Variants in ESRRG observed in about 807,000 individuals in gnomAD.
The protein encoded by ESRRG is estrogen related receptor gamma, also known as estrogen-related receptor gamma.
Under a neutral mutation model 44.0 loss-of-function variants are expected in ESRRG, and 13 were observed. The observed-to-expected ratio is 0.30, with a 90% CI of 0.19 to 0.47. ESRRG has a LOEUF of 0.47. Ranked by LOEUF, ESRRG falls within the 20% of genes least tolerant of loss-of-function variation. The probability of loss-of-function intolerance (pLI) is 1.00; values close to 1 mark genes in which losing one functional copy is unlikely to be tolerated. For missense variants in ESRRG, 395 were observed against 580.6 expected (o/e 0.68, Z 3.29); for synonymous variants, 215 against 214.6 (o/e 1.00, Z -0.02).
At chr1:217,061,816 T>C (rs2088564685) in intron 1 of ESRRG, among the ~76,000 whole-genome samples, 2 of 152,136 alleles carry the variant, frequency 1.3e-5, no homozygotes, top group Admixed American at 1.3e-4. Flanking sequence ...AAATCCTTAA[T>C]GAACTAAGAA....
chr1:216,721,304 C>T (rs564233483), intron 1 of ESRRG, among the ~76,000 whole-genome samples: 30 of 152,302 alleles, frequency 2.0e-4, no homozygotes, highest in Non-Finnish European at 2.9e-4. Flanking sequence ...TCTGTGTATA[C>T]ACACACGTGA....
chr1:216,977,573 T>C (rs950013956), intron 1 of ESRRG, among the ~76,000 whole-genome samples: 3 of 152,120 alleles, frequency 2.0e-5, no homozygotes, highest in Non-Finnish European at 2.9e-5. Flanking sequence ...CAGGGCCAAG[T>C]TTCCTCAGCT....
At chr1:217,083,785 A>C (rs1304304077) in intron 1 of ESRRG, among the ~76,000 whole-genome samples, 1 of 152,242 alleles carries the variant, frequency 6.6e-6, no homozygotes, top group African/African-American at 2.4e-5. Context: ...TGTTCATCTA[A>C]ATAGCCAACT....
At chr1:217,112,797 G>C (rs2102466422) in intron 1 of ESRRG, among the ~76,000 whole-genome samples, 1 of 152,248 alleles carries the variant, frequency 6.6e-6, no homozygotes, top group South Asian at 2.1e-4. Flanking sequence ...ACCTCAAGAA[G>C]GTTTAAAGGG....
At chr1:216,987,886 A>G (rs560302420) in intron 1 of ESRRG, among the ~76,000 whole-genome samples, 24 of 152,310 alleles carry the variant, frequency 1.6e-4, no homozygotes, top group African/African-American at 5.0e-4. Flanking sequence ...GAGTTAGTAT[A>G]CAAATATTCC....
chr1:217,069,194 T>C (rs2090209886), intron 1 of ESRRG, among the ~76,000 whole-genome samples: 1 of 152,140 alleles, frequency 6.6e-6, no homozygotes, highest in Non-Finnish European at 1.5e-5. Context: ...ATGAAAATAC[T>C]AGACTGGCCT....
At chr1:216,581,897 A>G (rs1396873947) in intron 3 of ESRRG, among the ~76,000 whole-genome samples, 2 of 152,220 alleles carry the variant, frequency 1.3e-5, no homozygotes, top group African/African-American at 4.8e-5. Flanking sequence ...TGTGGCCCTC[A>G]GGCCACCCGT....
At chr1:217,094,968 G>A (rs932497348) in intron 1 of ESRRG, among the ~76,000 whole-genome samples, 5 of 152,264 alleles carry the variant, frequency 3.3e-5, no homozygotes, top group Admixed American at 2.0e-4. Flanking sequence ...TTTCATTATA[G>A]CTCTAGGGAT....
chr1:216,594,134 T>C (rs55635948), intron 3 of ESRRG, among the ~76,000 whole-genome samples: 22,841 of 152,168 alleles, frequency 0.15, 2,195 homozygotes, highest in Non-Finnish European at 0.21. Flanking sequence ...AATTCCTGGT[T>C]CATCTCTTCT....
chr1:216,584,553 G>A (rs1268555120), intron 3 of ESRRG, among the ~76,000 whole-genome samples: 1 of 152,004 alleles, frequency 6.6e-6, no homozygotes, highest in East Asian at 1.9e-4. Context: ...ACTGTGCCCG[G>A]CCCAAAACTT....
intron 2 of ESRRG, among the ~76,000 whole-genome samples, chr1:216,733,291 G>A (rs2089241291): frequency 6.7e-6 from 1 of 149,646 alleles, no homozygotes; most frequent in African/African-American, 2.5e-5. Flanking sequence ...TTTGGGGCCT[G>A]GGTATGTTAC....
At chr1:217,130,066 A>G (rs114180502) in intron 1 of ESRRG, among the ~76,000 whole-genome samples, 1 of 152,224 alleles carries the variant, frequency 6.6e-6, no homozygotes, top group African/African-American at 2.4e-5. Context: ...AATTTCACAC[A>G]ATATATCACC....
intron 2 of ESRRG, among the ~76,000 whole-genome samples, chr1:216,803,622 G>T (rs2148343461): frequency 6.6e-6 from 1 of 152,068 alleles, no homozygotes; most frequent in Non-Finnish European, 1.5e-5. Context: ...TTTGGTTGGG[G>T]GTTTTGGTGG....
chr1:216,848,344 G>T (rs1355550202), intron 2 of ESRRG, among the ~76,000 whole-genome samples: 1 of 150,860 alleles, frequency 6.6e-6, no homozygotes, highest in African/African-American at 2.5e-5. Context: ...CTGAGGTTTA[G>T]AATGTCTGGC....
intron 3 of ESRRG, among the ~76,000 whole-genome samples, chr1:216,637,292 A>G (rs1229995510): frequency 1.3e-5 from 2 of 152,204 alleles, no homozygotes; most frequent in African/African-American, 4.8e-5. Flanking sequence ...CTCTATACAG[A>G]CATTTCAGCA....
At chr1:216,557,812 A>G (rs776387174) in intron 5 of ESRRG, among the ~76,000 whole-genome samples, 1 of 152,210 alleles carries the variant, frequency 6.6e-6, no homozygotes, top group Non-Finnish European at 1.5e-5. Context: ...TGTCATGCAC[A>G]TCTTTTAAAT....
chr1:216,668,455 T>G (rs2074448143), intron 2 of ESRRG, among the ~76,000 whole-genome samples: 1 of 152,212 alleles, frequency 6.6e-6, no homozygotes. Flanking sequence ...ATGCTATGTG[T>G]TTAATAAACA....
At chr1:216,642,942 A>T (rs1371351619) in intron 3 of ESRRG, among the ~76,000 whole-genome samples, 2 of 152,302 alleles carry the variant, frequency 1.3e-5, no homozygotes, top group East Asian at 3.9e-4. Context: ...ATATTTTTTA[A>T]AGAGAACCTA....
intron 1 of ESRRG, chr1:216,686,044 T>C (rs1341518820): frequency 1.3e-5 from 2 of 152,306 alleles, no homozygotes; most frequent in South Asian, 2.1e-4. Context: ...ATAAACCCCA[T>C]CTGTTGGGTA....
Sources: gnomAD v4.1 joint callset for allele counts (sites outside exome capture counted in the v4.1 genomes callset) on GRCh38, gnomAD v4.1.1 for gene constraint, MANE v1.5 for transcripts, NCBI Gene and HGNC (gene_info 2026-07-23, HGNC 2026-07-21) for gene names.